The following SCHIP1 variants were observed in gnomAD, a reference collection of about 807,000 sequenced individuals.
The protein encoded by SCHIP1 is schwannomin-interacting protein 1.
In SCHIP1, 8 loss-of-function variants were observed where a neutral mutation model predicts 29.7. The observed-to-expected ratio is 0.27, with a 90% CI of 0.16 to 0.49. The LOEUF (loss-of-function observed/expected upper bound fraction) is 0.49, where lower values mean the gene tolerates loss of function less well. Ranked by LOEUF, SCHIP1 falls within the 20% of genes least tolerant of loss-of-function variation. The pLI is 0.99. For missense variants in SCHIP1, 193 were observed against 294.6 expected, an observed-to-expected ratio of 0.66 and a Z score of 2.52; for synonymous variants, 76 against 94.9, an observed-to-expected ratio of 0.80 and a Z score of 1.16.
At chr3:159,410,860 T>C in the SCHIP1 span, among the ~76,000 whole-genome samples, 1 of 151,396 alleles carries the variant, frequency 6.6e-6, no homozygotes, top group South Asian at 2.1e-4. Context: ...ATAGCTAAGA[T>C]TTGAAAGCGA....
At chr3:159,588,199 T>A in the SCHIP1 span, among the ~76,000 whole-genome samples, 2 of 152,230 alleles carry the variant, frequency 1.3e-5, no homozygotes. Flanking sequence ...TGATTTTGAT[T>A]TGCATTTCTC....
chr3:159,294,600 T>G, the SCHIP1 span, among the ~76,000 whole-genome samples: 1 of 152,212 alleles, frequency 6.6e-6, no homozygotes, highest in African/African-American at 2.4e-5. Context: ...ATGCAGAAAG[T>G]TGAAAAATTA....
the SCHIP1 span, among the ~76,000 whole-genome samples, chr3:159,691,312 T>C: frequency 9.2e-5 from 14 of 152,334 alleles, no homozygotes; most frequent in African/African-American, 3.4e-4. Context: ...TTAGCTCTTC[T>C]TGTTGCACTT....
the SCHIP1 span, among the ~76,000 whole-genome samples, chr3:159,436,266 A>G: frequency 6.6e-6 from 1 of 152,166 alleles, no homozygotes; most frequent in Non-Finnish European, 1.5e-5. Flanking sequence ...GAAAAGTAGT[A>G]GTGTAGGCTT....
At chr3:159,396,505 G>A in the SCHIP1 span, among the ~76,000 whole-genome samples, 11 of 146,734 alleles carry the variant, frequency 7.5e-5, no homozygotes, top group East Asian at 2.0e-4. Context: ...AGCTCTTTTA[G>A]GGCAGGCCTG....
At chr3:159,660,145 G>A in the SCHIP1 span, among the ~76,000 whole-genome samples, 2 of 152,156 alleles carry the variant, frequency 1.3e-5, no homozygotes, top group African/African-American at 4.8e-5. Context: ...AATGGCCACT[G>A]AGAAGAAAGG....
the SCHIP1 span, among the ~76,000 whole-genome samples, chr3:159,391,554 C>G: frequency 1.3e-5 from 2 of 152,128 alleles, no homozygotes; most frequent in Non-Finnish European, 1.5e-5. Flanking sequence ...TCCTGCTACT[C>G]AATGTACTTT....
the SCHIP1 span, among the ~76,000 whole-genome samples, chr3:159,482,026 T>G: frequency 6.6e-6 from 1 of 152,158 alleles, no homozygotes; most frequent in Non-Finnish European, 1.5e-5. Flanking sequence ...TATGTGTATA[T>G]GCATGGGTGC....
At chr3:159,670,257 A>G in the SCHIP1 span, among the ~76,000 whole-genome samples, 2 of 152,246 alleles carry the variant, frequency 1.3e-5, no homozygotes, top group African/African-American at 4.8e-5. Context: ...CCCATCAAGA[A>G]GAAATATTCA....
At chr3:159,778,858 C>T in the SCHIP1 span, among the ~76,000 whole-genome samples, 2 of 152,146 alleles carry the variant, frequency 1.3e-5, no homozygotes, top group African/African-American at 2.4e-5. Context: ...TGTGCACACA[C>T]GGCCTGTGGA....
the SCHIP1 span, among the ~76,000 whole-genome samples, chr3:159,290,352 A>C: frequency 6.6e-6 from 1 of 152,154 alleles, no homozygotes; most frequent in Non-Finnish European, 1.5e-5. Context: ...TTTGTTTGCC[A>C]AAAAAGAAAC....
At chr3:159,853,672 A>G (rs929490863) in intron 1 of SCHIP1, among the ~76,000 whole-genome samples, 1 of 152,244 alleles carries the variant, frequency 6.6e-6, no homozygotes, top group African/African-American at 2.4e-5. Flanking sequence ...GCAGCAACTA[A>G]AACACACATG....
chr3:159,452,990 G>A, the SCHIP1 span, among the ~76,000 whole-genome samples: 1 of 152,264 alleles, frequency 6.6e-6, no homozygotes, highest in South Asian at 2.1e-4. Flanking sequence ...ATGCCACATG[G>A]AGCTGGCTTC....
the SCHIP1 span, among the ~76,000 whole-genome samples, chr3:159,404,696 G>A: frequency 6.6e-6 from 1 of 152,208 alleles, no homozygotes; most frequent in African/African-American, 2.4e-5. Flanking sequence ...AACCCACCCA[G>A]GACTAGCAGG....
chr3:159,588,078 A>C, the SCHIP1 span, among the ~76,000 whole-genome samples: 3 of 152,142 alleles, frequency 2.0e-5, no homozygotes, highest in Non-Finnish European at 2.9e-5. Context: ...AGTTTACAGT[A>C]CCACCAACAG....
At chr3:159,753,371 T>C in the SCHIP1 span, among the ~76,000 whole-genome samples, 1 of 152,178 alleles carries the variant, frequency 6.6e-6, no homozygotes, top group Admixed American at 6.5e-5. Context: ...TCCTGTTTTT[T>C]TCTCCCCTAC....
At chr3:159,392,610 A>G in the SCHIP1 span, among the ~76,000 whole-genome samples, 5 of 151,740 alleles carry the variant, frequency 3.3e-5, no homozygotes, top group Admixed American at 2.0e-4. Context: ...ATGATTTCCA[A>G]TTTCATCCAT....
chr3:159,330,367 G>T, the SCHIP1 span, among the ~76,000 whole-genome samples: 1 of 152,076 alleles, frequency 6.6e-6, no homozygotes, highest in African/African-American at 2.4e-5. Flanking sequence ...ATAATTTTAA[G>T]GTCCATAAAA....
chr3:159,381,283 C>G, the SCHIP1 span, among the ~76,000 whole-genome samples: 1 of 152,124 alleles, frequency 6.6e-6, no homozygotes, highest in African/African-American at 2.4e-5. Context: ...GTTTGTAACC[C>G]TGATGCACAG....
Sources: allele counts gnomAD v4.1 joint callset (sites outside exome capture counted in the v4.1 genomes callset), GRCh38; gene constraint gnomAD v4.1.1; transcripts MANE v1.5; gene names NCBI Gene and HGNC (gene_info 2026-07-23, HGNC 2026-07-21).